Variants in MAML3 observed in about 807,000 individuals in gnomAD.
MAML3 encodes the protein mastermind like transcriptional coactivator 3.
MAML3 carries 27 observed loss-of-function variants against 101.9 expected under a neutral mutation model. The observed-to-expected ratio is 0.27, with a 90% CI of 0.20 to 0.37. The LOEUF (loss-of-function observed/expected upper bound fraction) is 0.37. Ranked by LOEUF, MAML3 falls within the 10% of genes least tolerant of loss-of-function variation. MAML3 has a pLI of 1.00. For synonymous variants in MAML3, 501 were observed against 555.9 expected (o/e 0.90, Z 1.39); for missense variants, 1,316 against 1,444.9 (o/e 0.91, Z 1.45).
rs1729277931 is a variant in MAML3 at position 139,745,090 on chromosome 4, A to G, written c.2080-14423T>C. On this transcript the variant is annotated intron_variant, in intron 2 of 4. Transcript: ENST00000509479. ...AGCTTCATGGATTAGCAGGGACTTGACTGAGAGCCTTGATGGAAGTGTAGA... is the reference window on the plus strand; with the variant it reads ...AGCTTCATGGATTAGCAGGGACTTGGCTGAGAGCCTTGATGGAAGTGTAGA... 3.3e-5 allele frequency among the ~76,000 whole-genome samples: 5 copies of G among 152,332 alleles called. No individual in the cohort carries two copies. In the Middle Eastern group the frequency reaches 0.017, roughly 518 times the overall value.
At chr4:139,851,031 T>C (rs1731538385) in intron 2 of MAML3, among the ~76,000 whole-genome samples, 1 of 152,146 alleles carries the variant, frequency 6.6e-6, no homozygotes, top group South Asian at 2.1e-4. Context: ...ACATGAACTA[T>C]CTTTGGAGTT....
chr4:139,763,531 A>G (rs10022065), intron 2 of MAML3, among the ~76,000 whole-genome samples: 148,344 of 152,242 alleles, frequency 0.97, 72,341 homozygotes, highest in Non-Finnish European at 0.99. Context: ...TTAAAGGTTC[A>G]GGGGGAGCCG....
intron 2 of MAML3, among the ~76,000 whole-genome samples, chr4:139,833,120 C>T (rs1731197772): frequency 6.6e-6 from 1 of 152,208 alleles, no homozygotes; most frequent in Non-Finnish European, 1.5e-5. Context: ...TTCGTCACGT[C>T]ACCAGCAGCT....
intron 1 of MAML3, among the ~76,000 whole-genome samples, chr4:139,902,847 T>C (rs1016115969): frequency 2.0e-5 from 3 of 152,220 alleles, no homozygotes; most frequent in Non-Finnish European, 4.4e-5. Flanking sequence ...TTCAATTATG[T>C]ACAGGGAGTG....
chr4:139,880,109 G>A (rs962483823), intron 2 of MAML3, among the ~76,000 whole-genome samples: 3 of 151,638 alleles, frequency 2.0e-5, no homozygotes, highest in African/African-American at 7.3e-5. Flanking sequence ...GAAGACAGAG[G>A]TTGCAGTGAG....
At chr4:139,767,662 A>G (rs1729892501) in intron 2 of MAML3, among the ~76,000 whole-genome samples, 1 of 152,208 alleles carries the variant, frequency 6.6e-6, no homozygotes, top group Non-Finnish European at 1.5e-5. Flanking sequence ...AAGAATCCAA[A>G]CTTTTAAATT....
At chr4:139,824,259 A>T (rs912047009) in intron 2 of MAML3, among the ~76,000 whole-genome samples, 2 of 152,226 alleles carry the variant, frequency 1.3e-5, no homozygotes, top group African/African-American at 4.8e-5. Context: ...CTGCAATCAG[A>T]AAAGATCCTA....
At chr4:140,139,942 A>G (rs186562818) in intron 1 of MAML3, among the ~76,000 whole-genome samples, 16 of 152,364 alleles carry the variant, frequency 1.1e-4, no homozygotes, top group Admixed American at 4.6e-4. Flanking sequence ...CACTCCTCAG[A>G]GGGACAGTAG....
chr4:139,958,742 C>A (rs1733956266), intron 1 of MAML3, among the ~76,000 whole-genome samples: 1 of 152,320 alleles, frequency 6.6e-6, no homozygotes, highest in East Asian at 1.9e-4. Context: ...ACTCCACCCC[C>A]ATTTTGTTTT....
chr4:139,784,670 C>T (rs1405606295), intron 2 of MAML3, among the ~76,000 whole-genome samples: 2 of 152,194 alleles, frequency 1.3e-5, no homozygotes, highest in Non-Finnish European at 2.9e-5. Flanking sequence ...CCACTTAGTC[C>T]CCCAATGTAC....
intron 2 of MAML3, among the ~76,000 whole-genome samples, chr4:139,737,314 A>AT (rs200018580): frequency 0.062 from 9,169 of 147,890 alleles, 369 homozygotes; most frequent in East Asian, 0.1. Flanking sequence ...CATTTTGTTG[A>AT]TTTTTTTTTT....
At chr4:139,836,634 G>C (rs1731259395) in intron 2 of MAML3, among the ~76,000 whole-genome samples, 1 of 152,080 alleles carries the variant, frequency 6.6e-6, no homozygotes. Context: ...GCCCTCCTTT[G>C]ATAGAATGGC....
At chr4:140,071,510 A>G (rs1727651922) in intron 1 of MAML3, among the ~76,000 whole-genome samples, 1 of 152,222 alleles carries the variant, frequency 6.6e-6, no homozygotes, top group African/African-American at 2.4e-5. Context: ...TTAAAAACAG[A>G]GAACTCAAGA....
chr4:140,010,651 C>A (rs1253370446), intron 1 of MAML3, among the ~76,000 whole-genome samples: 1 of 152,078 alleles, frequency 6.6e-6, no homozygotes, highest in Non-Finnish European at 1.5e-5. Context: ...ATACTTACAA[C>A]AGTTTCATAA....
intron 1 of MAML3, among the ~76,000 whole-genome samples, chr4:140,143,917 G>A (rs779634240): frequency 1.2e-4 from 18 of 152,132 alleles, no homozygotes; most frequent in Admixed American, 7.2e-4. Flanking sequence ...ACCTCATCGC[G>A]GCACCTCTGC....
Position 140,153,121 on chromosome 4 carries a change from C to T in MAML3, c.207G>A (p.Lys69=). ...GGAGCCGCTCCACCACGGTGCTGTG[C>T]TTGGGAACGGCCGCCGAACCGCCGC... ...GPGGGSAAVP[K]HSTVVERLRQ... Residue 69 remains lysine, a synonymous_variant, in exon 1 of 5, where the codon AAG becomes AAA. Transcript: ENST00000509479. 6.4e-7 allele frequency: 1 copy of T among 1,550,920 alleles called. No individual in the cohort carries two copies. The highest frequency in any genetic ancestry group is 8.7e-7 in the Non-Finnish European group (1 of 1,146,856).
At chr4:139,900,191 G>A (rs533572920) in intron 1 of MAML3, among the ~76,000 whole-genome samples, 2 of 152,322 alleles carry the variant, frequency 1.3e-5, no homozygotes, top group East Asian at 1.9e-4. Flanking sequence ...AGTCTTGGAA[G>A]TACATAAGGC....
In MAML3 at chr4:139,718,678, T is replaced by G. The variant is rs1728095110; in HGVS notation, c.*645A>C. On this transcript the variant is annotated 3_prime_UTR_variant, in exon 5 of 5. Coordinates refer to ENST00000509479, the MANE Select transcript of MAML3 (RefSeq NM_018717.5). ...GTGACAGCAGAGCCTTTGCAATTCC[T>G]GAGGGTCATCATGGGGCAGGAGACA... The G allele has an allele frequency of 6.6e-6, 1 of 152,384 alleles. No individual in the cohort carries two copies. The allele number at this position is 152,384 out of a possible 1,614,324, so 9.4% of individuals were successfully genotyped here.
chr4:139,953,051 G>A lies in MAML3; in HGVS notation c.469-62084C>T, dbSNP rs919064830. 1.4e-4 allele frequency among the ~76,000 whole-genome samples: 22 copies of A among 152,174 alleles called. 1 individual carries two copies. The highest frequency in any genetic ancestry group is 4.3e-4 in the African/African-American group (18 of 41,420). On this transcript the variant is annotated intron_variant, in intron 1 of 4. Coordinates refer to ENST00000509479, the MANE Select transcript of MAML3 (RefSeq NM_018717.5). ...TTTTAACTGCACAAAATCACTAAGT[G>A]ATGTCAGAGGGAAATTATTAATTAG...
Sources: gnomAD v4.1 joint callset for allele counts (sites outside exome capture counted in the v4.1 genomes callset) on GRCh38, gnomAD v4.1.1 for gene constraint, MANE v1.5 for transcripts, NCBI Gene and HGNC (gene_info 2026-07-23, HGNC 2026-07-21) for gene names.